The following CELSR1 variants were observed in gnomAD, a reference collection of about 807,000 sequenced individuals.
CELSR1 encodes the protein adhesion G protein-coupled receptor C1.
Under a neutral mutation model 249.1 loss-of-function variants are expected in CELSR1, and 110 were observed. The ratio of observed to expected loss-of-function variants is 0.44; its 90% CI spans 0.38 to 0.52. The LOEUF (loss-of-function observed/expected upper bound fraction) is 0.52, where lower values mean the gene tolerates loss of function less well. Ranked by LOEUF, CELSR1 falls within the 20% of genes least tolerant of loss-of-function variation. The pLI is 0.00. For synonymous variants in CELSR1, 2,113 were observed against 1,900.0 expected, an observed-to-expected ratio of 1.11 and a Z score of -2.92; for missense variants, 4,109 against 4,296.4, an observed-to-expected ratio of 0.96 and a Z score of 1.22.
rs1158451193 is a variant in CELSR1, at chr22:46,534,689, T to G, written c.2482A>C (p.Ile828Leu). Residue 828 changes from isoleucine to leucine, a missense_variant, in exon 1 of 35, where the codon ATT (isoleucine) becomes CTT (leucine). Physicochemically the swap from Ile to Leu is conservative, Grantham distance 5. Transcript: ENST00000674500. The surrounding 1 kb of genome is among the most constrained non-coding windows in gnomAD (Gnocchi z 9.7). ...CGGAACTGCGGCACGGGGTCCTGAA[T>G]CACGTAGGTGATGCGGGCATTCTCT... ...TGENARITYV[I>L]QDPVPQFRID... is the part of the protein sequence containing the mutation. 1 of 1,613,474 alleles carries G rather than the reference T, an allele frequency of 6.2e-7. No individual in the cohort carries two copies. Among genetic ancestry groups the G allele is most frequent in the African/African-American group, 1.3e-5 (1 of 74,902 alleles).
At chr22:46,372,776 C>T (rs909928098) in intron 25 of CELSR1, 107 bp downstream of exon 25, 3 of 1,387,786 alleles carry the variant, frequency 2.2e-6, no homozygotes, top group Non-Finnish European at 2.9e-6. Context: ...GGGGGCTGGA[C>T]AAGCATTGGG....
Position 46,512,765 on chromosome 22 carries a change from C to T in CELSR1, c.3544+20862G>A, listed in dbSNP as rs944673712. Among the ~76,000 whole-genome samples, 19 of 152,314 alleles carry T rather than the reference C, an allele frequency of 1.2e-4. 1 individual carries two copies. Among genetic ancestry groups the T allele is most frequent in the African/African-American group, 4.6e-4 (19 of 41,566 alleles). ...TTATAGAGGGTAGCGGGTTTCCGTT[C>T]CCTGCCATCCAGAGGAATTATTCAG... On this transcript the variant is annotated intron_variant, in intron 1 of 34. Coordinates refer to ENST00000674500, the MANE Select transcript of CELSR1 (RefSeq NM_001378328.1). The surrounding 1 kb of genome is among the most constrained non-coding windows in gnomAD (Gnocchi z 5.2).
chr22:46,372,209 C>A (rs2147184509), intron 25 of CELSR1, among the ~76,000 whole-genome samples: 1 of 150,228 alleles, frequency 6.7e-6, no homozygotes, highest in Admixed American at 6.6e-5. Context: ...CCCCTCCAAC[C>A]ATCCATCTAC....
At chr22:46,364,956 C>T (rs1053065032) in intron 32 of CELSR1, among the ~76,000 whole-genome samples, 1 of 152,226 alleles carries the variant, frequency 6.6e-6, no homozygotes, top group Non-Finnish European at 1.5e-5. Context: ...ACTATACAGG[C>T]TAATCCCCCA....
chr22:46,453,219 C>T (rs533671047), intron 2 of CELSR1, among the ~76,000 whole-genome samples: 13 of 152,268 alleles, frequency 8.5e-5, no homozygotes, highest in African/African-American at 2.9e-4. Context: ...GGGACGTGCC[C>T]GGTGCGTTCG....
chr22:46,529,188 C>T (rs532269826), intron 1 of CELSR1, among the ~76,000 whole-genome samples: 57 of 151,500 alleles, frequency 3.8e-4, no homozygotes, highest in Non-Finnish European at 4.3e-4. Flanking sequence ...ATGGTGTGAA[C>T]CCAGGAGGCG....
intron 2 of CELSR1, among the ~76,000 whole-genome samples, chr22:46,451,215 G>A (rs1224322122): frequency 6.6e-6 from 1 of 152,116 alleles, no homozygotes; most frequent in Non-Finnish European, 1.5e-5. Flanking sequence ...GCCCCACCTG[G>A]CAAGGTAGCC....
intron 2 of CELSR1, among the ~76,000 whole-genome samples, chr22:46,457,875 C>T (rs2079975355): frequency 6.6e-6 from 1 of 152,164 alleles, no homozygotes. Context: ...AGAGGCAGCA[C>T]AGGCAGCACT....
Position 46,410,539 on chromosome 22 carries a change from G to A in CELSR1, c.4792C>T (p.Leu1598=), listed in dbSNP as rs1442017427. The A allele has an allele frequency of 1.8e-5, 29 of 1,613,928 alleles. No homozygotes were observed. Among genetic ancestry groups the A allele is most frequent in the Non-Finnish European group, 2.3e-5 (27 of 1,180,028 alleles). The change falls in exon 7 of 35, where the codon CTA becomes TTA. Residue 1598 remains leucine, a synonymous_variant. Transcript: ENST00000674500. This position sits in a 1 kb window ranked among gnomAD's most constrained non-coding sequence, Gnocchi z 6.8. The part of the protein sequence containing the change: ...SKKSLDLTGP[L]LLGGVPNLPE... ...AGGTTGGGGACACCCCCCAGGAGTA[G>A]AGGGCCGGTCAGATCCAGGGACCTG...
chr22:46,430,958 C>T lies in CELSR1; in HGVS notation c.4611+2435G>A, dbSNP rs553447606. The stretch of plus-strand genomic sequence containing the variant: ...TGGCCCCGTCAGACCTCCTAATGGA[C>T]GCCTGAAGACACAGTAAAAACTGGT... On this transcript the variant is annotated intron_variant, in intron 5 of 34. Transcript: ENST00000674500. The surrounding 1 kb of genome is among the most constrained non-coding windows in gnomAD (Gnocchi z 4.6). Among the ~76,000 whole-genome samples the T allele has an allele frequency of 1.8e-4, 28 of 152,308 alleles. No homozygotes were observed. Among genetic ancestry groups the T allele is most frequent in the Non-Finnish European group, 3.5e-4 (24 of 68,010 alleles).
intron 24 of CELSR1, among the ~76,000 whole-genome samples, chr22:46,373,694 AGGGGGAGATGGGGGAGATGGGGGAGAT>A (rs1407764454): frequency 7.7e-5 from 2 of 26,110 alleles, no homozygotes; most frequent in Non-Finnish European, 1.6e-4. Context: ...ATGGGGGAGA[AGGGGGAGATGGGGGAGATGGGGGAGAT>A]GGGAGCAATG....
At chr22:46,463,333 T>G (rs1203694472) in intron 2 of CELSR1, among the ~76,000 whole-genome samples, 1 of 152,002 alleles carries the variant, frequency 6.6e-6, no homozygotes, top group African/African-American at 2.4e-5. Flanking sequence ...CTGACCAACA[T>G]GGCGAAACCC....
At chr22:46,438,360 C>T (rs1403512817) in intron 3 of CELSR1, among the ~76,000 whole-genome samples, 1 of 152,038 alleles carries the variant, frequency 6.6e-6, no homozygotes, top group Non-Finnish European at 1.5e-5. Flanking sequence ...GCTAGGCGCC[C>T]CCCAACCCGG....
In CELSR1 at chr22:46,517,836, T is replaced by A. The variant is rs146418783; in HGVS notation, c.3544+15791A>T. Among the ~76,000 whole-genome samples, 703 of 151,804 alleles carry A rather than the reference T, an allele frequency of 4.6e-3. 9 individuals are homozygous for A. Among genetic ancestry groups the A allele is most frequent in the African/African-American group, 0.016 (668 of 41,352 alleles). On this transcript the variant is annotated intron_variant, in intron 1 of 34. Transcript: ENST00000674500. This position sits in a 1 kb window ranked among gnomAD's most constrained non-coding sequence, Gnocchi z 5.4. ...GAGGGAAAGGGAGGGTGAGCTGTCA[T>A]CTGAAAGCACCCACCACCCTGTGTC...
intron 14 of CELSR1, among the ~76,000 whole-genome samples, chr22:46,392,366 G>C (rs1029640458): frequency 3.9e-5 from 6 of 152,168 alleles, no homozygotes; most frequent in African/African-American, 1.4e-4. Flanking sequence ...GGGGCAGGCT[G>C]TGACCAGGCT....
At chr22:46,365,105 T>A (rs1473343209) in intron 32 of CELSR1, 126 bp downstream of exon 32, 2 of 1,316,148 alleles carry the variant, frequency 1.5e-6, no homozygotes, top group Non-Finnish European at 1.0e-6. Context: ...CACCCCAGGC[T>A]GTCCTTTCAT....
chr22:46,457,949 C>A (rs1271965374), intron 2 of CELSR1, among the ~76,000 whole-genome samples: 1 of 152,222 alleles, frequency 6.6e-6, no homozygotes, highest in Non-Finnish European at 1.5e-5. Context: ...CGTGGAGGGG[C>A]GGGATGGCCA....
In CELSR1 at chr22:46,472,065, G is replaced by A. The variant is rs916536468; in HGVS notation, c.3545-7720C>T. On this transcript the variant is annotated intron_variant, in intron 1 of 34. Coordinates refer to ENST00000674500, the MANE Select transcript of CELSR1 (RefSeq NM_001378328.1). This position sits in a 1 kb window ranked among gnomAD's most constrained non-coding sequence, Gnocchi z 7.0. ...CAGGCATTCCTCCCAGGCCTGGAGC[G>A]GCTCCGCGGCACCTCAAAAGCGATC... Among the ~76,000 whole-genome samples the A allele has an allele frequency of 3.9e-5, 6 of 152,120 alleles. No homozygotes were observed. The highest frequency in any genetic ancestry group is 4.4e-5 in the Non-Finnish European group (3 of 68,014).
At chr22:46,452,347 G>A (rs960411133) in intron 2 of CELSR1, among the ~76,000 whole-genome samples, 5 of 152,182 alleles carry the variant, frequency 3.3e-5, no homozygotes, top group African/African-American at 9.7e-5. Context: ...GGAAGACAGC[G>A]GCATGAGGAC....
Sources: allele counts gnomAD v4.1 joint callset (sites outside exome capture counted in the v4.1 genomes callset), GRCh38; gene constraint gnomAD v4.1.1; non-coding constraint Gnocchi (gnomAD v3.1); transcripts MANE v1.5; gene names NCBI Gene and HGNC (gene_info 2026-07-23, HGNC 2026-07-21).